GPR39: variants seen among roughly 807,000 people sequenced by gnomAD.
The protein encoded by GPR39 is zinc sensing receptor.
GPR39 carries 23 observed loss-of-function variants against 18.4 expected under a neutral mutation model. The ratio of observed to expected loss-of-function variants is 1.25; its 90% confidence interval spans 0.90 to 1.77. The LOEUF (loss-of-function observed/expected upper bound fraction) is 1.77, where lower values mean the gene tolerates loss of function less well. Ranked by LOEUF, GPR39 falls within the 40% of genes most tolerant of loss-of-function variation. The probability of loss-of-function intolerance (pLI) is 0.00; values close to 1 mark genes in which losing one functional copy is unlikely to be tolerated. For missense variants in GPR39, 647 were observed against 602.4 expected (o/e 1.07, Z -0.78); for synonymous variants, 280 against 257.9 (o/e 1.09, Z -0.82).
chr2:132,492,793 C>CATATATATACATACCAT (rs368240922), intron 1 of GPR39, among the ~76,000 whole-genome samples: 3 of 8,632 alleles, frequency 3.5e-4, no homozygotes, highest in Non-Finnish European at 6.8e-4. Context: ...ATATATATAC[C>CATATATATACATACCAT]ATATATACCA....
chr2:132,601,438 A>T (rs1184971661), intron 1 of GPR39, among the ~76,000 whole-genome samples: 1 of 152,158 alleles, frequency 6.6e-6, no homozygotes, highest in Admixed American at 6.5e-5. Flanking sequence ...ACTCTAAAAA[A>T]CATTAGGTAT....
chr2:132,625,592 A>G (rs1035178987), intron 1 of GPR39, among the ~76,000 whole-genome samples: 6 of 152,164 alleles, frequency 3.9e-5, no homozygotes, highest in African/African-American at 1.4e-4. Context: ...AGGGGGGGAA[A>G]TGCCATGTTT....
intron 1 of GPR39, among the ~76,000 whole-genome samples, chr2:132,577,567 G>A (rs907930580): frequency 1.3e-5 from 2 of 152,142 alleles, no homozygotes; most frequent in African/African-American, 4.8e-5. Context: ...TCTTTCAACA[G>A]CGTTGTATAG....
chr2:132,480,721 T>C (rs1573622962), intron 1 of GPR39, among the ~76,000 whole-genome samples: 2 of 152,104 alleles, frequency 1.3e-5, no homozygotes, highest in Admixed American at 6.5e-5. Flanking sequence ...TGTGGGGAGA[T>C]AAGGAGTTTG....
chr2:132,520,596 G>A (rs901222115), intron 1 of GPR39, among the ~76,000 whole-genome samples: 1 of 152,220 alleles, frequency 6.6e-6, no homozygotes, highest in East Asian at 1.9e-4. Context: ...CCTGCAGTAG[G>A]GTCCTCAGAG....
chr2:132,575,848 A>T (rs1181799383), intron 1 of GPR39, among the ~76,000 whole-genome samples: 1 of 152,092 alleles, frequency 6.6e-6, no homozygotes, highest in Non-Finnish European at 1.5e-5. Flanking sequence ...GCATAAGGAG[A>T]TGGAGCTTTG....
chr2:132,629,067 A>T (rs1681603320), intron 1 of GPR39, among the ~76,000 whole-genome samples: 1 of 152,192 alleles, frequency 6.6e-6, no homozygotes, highest in African/African-American at 2.4e-5. Context: ...TTGAGCTGGT[A>T]GCAGTTTCCT....
At chr2:132,559,011 C>T (rs2104802032) in intron 1 of GPR39, among the ~76,000 whole-genome samples, 1 of 152,228 alleles carries the variant, frequency 6.6e-6, no homozygotes, top group African/African-American at 2.4e-5. Flanking sequence ...CATATCTAGG[C>T]ATTTACAGAG....
chr2:132,564,159 G>A (rs999522727), intron 1 of GPR39, among the ~76,000 whole-genome samples: 1 of 152,194 alleles, frequency 6.6e-6, no homozygotes, highest in Non-Finnish European at 1.5e-5. Flanking sequence ...TCACTGAGGT[G>A]GGAGTCACCA....
intron 1 of GPR39, among the ~76,000 whole-genome samples, chr2:132,624,267 T>C (rs572132011): frequency 2.6e-5 from 4 of 152,290 alleles, no homozygotes; most frequent in Non-Finnish European, 4.4e-5. Context: ...TTCCTCTTCC[T>C]GTAAGGACAC....
intron 1 of GPR39, among the ~76,000 whole-genome samples, chr2:132,534,225 A>G (rs1679698542): frequency 1.3e-5 from 2 of 152,282 alleles, no homozygotes; most frequent in East Asian, 1.9e-4. Flanking sequence ...GCAGCCAAAA[A>G]ACACATGAAA....
At chr2:132,493,009 CACTATATAT>C (rs1558814916) in intron 1 of GPR39, among the ~76,000 whole-genome samples, 1 of 137,370 alleles carries the variant, frequency 7.3e-6, no homozygotes, top group Non-Finnish European at 1.5e-5. Context: ...ACCATATATA[CACTATATAT>C]ACTATATATA....
chr2:132,542,520 G>A (rs1175179187), intron 1 of GPR39, among the ~76,000 whole-genome samples: 2 of 152,154 alleles, frequency 1.3e-5, no homozygotes, highest in African/African-American at 4.8e-5. Context: ...AAAAATGCAA[G>A]GTCAAGGAGA....
At chr2:132,615,657 A>G (rs73955757) in intron 1 of GPR39, among the ~76,000 whole-genome samples, 2,100 of 152,296 alleles carry the variant, frequency 0.014, 63 homozygotes, top group African/African-American at 0.048. Flanking sequence ...CTGCCCTTAA[A>G]TAAATACACT....
At chr2:132,586,794 C>A (rs1313258378) in intron 1 of GPR39, among the ~76,000 whole-genome samples, 1 of 152,268 alleles carries the variant, frequency 6.6e-6, no homozygotes, top group African/African-American at 2.4e-5. Flanking sequence ...AGATATGTGC[C>A]CACCATATGG....
At position 132,465,420 on chromosome 2, in the gene GPR39, C is replaced by G. The variant is rs148285685; in HGVS notation, c.856+47522C>G. ...TGCAACTTCCCCTAGTCTCCCTGTA[C>G]CCCCTCTCCAAACTATCATGCTGCT... On this transcript the variant is annotated intron_variant, in intron 1 of 1. Transcript: ENST00000329321. Among the ~76,000 whole-genome samples, 75 of 152,266 alleles carry G rather than the reference C, an allele frequency of 4.9e-4. 1 individual carries two copies. In the East Asian group the frequency reaches 0.013, roughly 27 times the overall value.
chr2:132,429,010 C>T (rs532074549), intron 1 of GPR39, among the ~76,000 whole-genome samples: 1 of 152,266 alleles, frequency 6.6e-6, no homozygotes, highest in South Asian at 2.1e-4. Context: ...GGCATTGGGT[C>T]TGTTGTTCAA....
chr2:132,633,275 A>G (rs934806246), intron 1 of GPR39, among the ~76,000 whole-genome samples: 1 of 150,080 alleles, frequency 6.7e-6, no homozygotes, highest in African/African-American at 2.5e-5. Flanking sequence ...CCTTCTATCA[A>G]TTTCCCCCTT....
chr2:132,427,128 G>GTATA (rs1680135374), intron 1 of GPR39, among the ~76,000 whole-genome samples: 1 of 27,760 alleles, frequency 3.6e-5, no homozygotes, highest in African/African-American at 1.6e-4. Context: ...ACATATATAG[G>GTATA]TACATATATA....
Sources: allele counts gnomAD v4.1 joint callset (sites outside exome capture counted in the v4.1 genomes callset), GRCh38; gene constraint gnomAD v4.1.1; transcripts MANE v1.5; gene names NCBI Gene and HGNC (gene_info 2026-07-23, HGNC 2026-07-21).